The following MAF variants were observed in gnomAD, a reference collection of about 807,000 sequenced individuals.
The protein encoded by MAF is MAF bZIP transcription factor.
In MAF, 10 loss-of-function variants were observed where a neutral mutation model predicts 22.0. The ratio of observed to expected loss-of-function variants is 0.45; its 90% CI spans 0.28 to 0.77. The LOEUF (loss-of-function observed/expected upper bound fraction) is 0.77. MAF is among the 30% of genes least tolerant of loss of function. MAF has a pLI of 0.12. For synonymous variants in MAF, 337 were observed against 255.8 expected, an observed-to-expected ratio of 1.32 and a Z score of -3.03; for missense variants, 544 against 548.4, an observed-to-expected ratio of 0.99 and a Z score of 0.08.
chr16:79,576,257 A>C, the MAF span, among the ~76,000 whole-genome samples: 1 of 150,042 alleles, frequency 6.7e-6, no homozygotes, highest in South Asian at 2.1e-4. Flanking sequence ...AAAAAAAAAA[A>C]AAGGACCAGT....
the MAF span, among the ~76,000 whole-genome samples, chr16:79,364,710 A>G: frequency 6.6e-6 from 1 of 152,192 alleles, no homozygotes; most frequent in Non-Finnish European, 1.5e-5. Flanking sequence ...TGATTTTGAT[A>G]GAAGTGCTGA....
the MAF span, among the ~76,000 whole-genome samples, chr16:79,381,690 C>T: frequency 2.2e-4 from 33 of 152,250 alleles, no homozygotes; most frequent in South Asian, 4.6e-3. Context: ...TGGTTGCTAA[C>T]GGCAGTCTTC....
At chr16:79,518,640 T>C in the MAF span, among the ~76,000 whole-genome samples, 1 of 152,212 alleles carries the variant, frequency 6.6e-6, no homozygotes, top group East Asian at 1.9e-4. Flanking sequence ...CTTTACATAG[T>C]AAAGTTATCG....
At chr16:79,578,781 C>T in the MAF span, among the ~76,000 whole-genome samples, 2 of 152,150 alleles carry the variant, frequency 1.3e-5, no homozygotes, top group Non-Finnish European at 2.9e-5. Context: ...AAACACACTA[C>T]ATGAAATAAA....
At chr16:79,561,502 T>A in the MAF span, among the ~76,000 whole-genome samples, 35 of 143,216 alleles carry the variant, frequency 2.4e-4, 1 homozygote, top group Admixed American at 1.7e-3. Flanking sequence ...GTGTGTGATG[T>A]TCCCCTTCCT....
chr16:79,288,805 C>G, the MAF span, among the ~76,000 whole-genome samples: 4 of 152,162 alleles, frequency 2.6e-5, no homozygotes, highest in Admixed American at 2.6e-4. Flanking sequence ...TCTCAGCTCA[C>G]TGCAACCTCC....
the MAF span, among the ~76,000 whole-genome samples, chr16:79,548,361 C>T: frequency 1.3e-5 from 2 of 151,982 alleles, no homozygotes; most frequent in Admixed American, 6.6e-5. Flanking sequence ...TCAGCATAAA[C>T]AAACCATAAA....
chr16:79,450,568 G>C, the MAF span, among the ~76,000 whole-genome samples: 1 of 152,174 alleles, frequency 6.6e-6, no homozygotes, highest in East Asian at 1.9e-4. Context: ...AATCCCTCAA[G>C]AAGATATTGT....
the MAF span, among the ~76,000 whole-genome samples, chr16:79,230,986 C>G: frequency 2.0e-5 from 3 of 152,138 alleles, no homozygotes; most frequent in Non-Finnish European, 2.9e-5. Context: ...TGCAGCTTGT[C>G]GGGTTGGTCA....
At chr16:79,566,017 G>T in the MAF span, among the ~76,000 whole-genome samples, 10,723 of 152,176 alleles carry the variant, frequency 0.07, 539 homozygotes, top group Middle Eastern at 0.16. Context: ...GATAGACCCT[G>T]GGCCACTCTG....
the MAF span, among the ~76,000 whole-genome samples, chr16:79,387,755 C>T: frequency 1.6e-4 from 24 of 152,250 alleles, no homozygotes; most frequent in East Asian, 4.4e-3. Context: ...ATAAGTGCTA[C>T]TTACAAGTAA....
At chr16:79,550,493 T>C in the MAF span, among the ~76,000 whole-genome samples, 6 of 152,224 alleles carry the variant, frequency 3.9e-5, no homozygotes, top group South Asian at 2.1e-4. Flanking sequence ...AAACCTCACA[T>C]TGAAACAGCT....
At chr16:79,550,979 C>T in the MAF span, among the ~76,000 whole-genome samples, 5 of 152,088 alleles carry the variant, frequency 3.3e-5, no homozygotes, top group Non-Finnish European at 5.9e-5. Flanking sequence ...CCTTTGGAGG[C>T]CCCCGTGGCC....
At chr16:79,572,402 A>G in the MAF span, among the ~76,000 whole-genome samples, 2 of 152,188 alleles carry the variant, frequency 1.3e-5, no homozygotes, top group Admixed American at 1.3e-4. Flanking sequence ...GACAATGCAG[A>G]TGATACAGAA....
At chr16:79,348,554 T>C in the MAF span, among the ~76,000 whole-genome samples, 1 of 152,178 alleles carries the variant, frequency 6.6e-6, no homozygotes, top group Non-Finnish European at 1.5e-5. Context: ...GGGTTGAACC[T>C]GAAGGGGAAA....
At chr16:79,204,426 C>G in the MAF span, 1 of 152,140 alleles carries the variant, frequency 6.6e-6, no homozygotes, top group Non-Finnish European at 1.5e-5. Flanking sequence ...TACCCTCACC[C>G]TAACCCCAGC....
At chr16:79,487,542 T>C in the MAF span, among the ~76,000 whole-genome samples, 1 of 152,158 alleles carries the variant, frequency 6.6e-6, no homozygotes, top group Non-Finnish European at 1.5e-5. Flanking sequence ...AATCCTGAAA[T>C]GGTTTTTAAA....
downstream of MAF, among the ~76,000 whole-genome samples, chr16:79,588,891 T>C (rs1373697848): frequency 6.6e-6 from 1 of 152,182 alleles, no homozygotes; most frequent in African/African-American, 2.4e-5. Context: ...TGCCTGAAGA[T>C]GGAAAGACAC....
the MAF span, among the ~76,000 whole-genome samples, chr16:79,518,707 T>A: frequency 6.2e-4 from 95 of 152,290 alleles, no homozygotes; most frequent in African/African-American, 2.2e-3. Context: ...ATATAATAAG[T>A]GCTTTATACC....
Sources: allele counts gnomAD v4.1 joint callset (sites outside exome capture counted in the v4.1 genomes callset), GRCh38; gene constraint gnomAD v4.1.1; transcripts MANE v1.5; gene names NCBI Gene and HGNC (gene_info 2026-07-23, HGNC 2026-07-21).